The following GALNS variants were observed in gnomAD, a reference collection of about 807,000 sequenced individuals.
GALNS encodes galactosamine (N-acetyl)-6-sulfatase.
A neutral mutation model predicts 65.9 loss-of-function variants in GALNS; 65 were observed. The observed-to-expected ratio is 0.99, with a 90% CI of 0.81 to 1.21. GALNS has a LOEUF of 1.21. GALNS is among the 50% of genes most tolerant of loss of function. GALNS has a pLI of 0.00. For missense variants in GALNS, 776 were observed against 700.7 expected, an observed-to-expected ratio of 1.11 and a Z score of -1.21; for synonymous variants, 346 against 288.9, an observed-to-expected ratio of 1.20 and a Z score of -2.00.
intron 9 of GALNS, among the ~76,000 whole-genome samples, chr16:88,831,319 G>C (rs1314514494): frequency 0.012 from 203 of 16,354 alleles, no homozygotes; most frequent in Non-Finnish European, 0.015. Flanking sequence ...GTGGGGAGGA[G>C]AGCGGTGAGG....
chr16:88,837,507 G>A, intron 5 of GALNS, 115 bp downstream of exon 5: 1 of 1,109,852 alleles, frequency 9.0e-7, no homozygotes, highest in Non-Finnish European at 1.3e-6. Context: ...GGGACCCAGG[G>A]ACAGACCAGC....
intron 12 of GALNS, among the ~76,000 whole-genome samples, chr16:88,822,161 C>T (rs766353483): frequency 3.3e-5 from 5 of 152,100 alleles, no homozygotes; most frequent in African/African-American, 4.8e-5. Flanking sequence ...GCGCAGACTC[C>T]GGCATCCTCG....
Position 88,846,463 on chromosome 16 carries a change from G to C in GALNS, c.121-3634C>G, listed in dbSNP as rs143130169. ...GGGAGCGAGGTCCTGCCCACACCTT[G>C]AGCTCAGACTTCCGGCCTCCAGACC... On this transcript the variant is annotated intron_variant, in intron 1 of 13. Coordinates refer to ENST00000268695, the MANE Select transcript of GALNS (RefSeq NM_000512.5). Among the ~76,000 whole-genome samples, 15 of 149,694 alleles carry C rather than the reference G, an allele frequency of 1.0e-4. No homozygotes were observed. The South Asian group carries it at 3.0e-3, about 30-fold the overall frequency.
intron 1 of GALNS, chr16:88,855,991 C>A (rs1440728808): frequency 1.7e-6 from 1 of 594,746 alleles, no homozygotes. Flanking sequence ...ATGGAAGTGA[C>A]CCCCAAGCTT....
intron 1 of GALNS, among the ~76,000 whole-genome samples, chr16:88,847,701 A>C (rs1967314697): frequency 6.6e-6 from 1 of 152,236 alleles, no homozygotes; most frequent in Non-Finnish European, 1.5e-5. Context: ...GTTGATTTTT[A>C]CCAAACAAAA....
chr16:88,834,576 C>T (rs1367697258), intron 8 of GALNS, among the ~76,000 whole-genome samples: 16 of 98,318 alleles, frequency 1.6e-4, no homozygotes, highest in Admixed American at 3.4e-4. Flanking sequence ...CCCCCCTCAG[C>T]GTGGTCTGGG....
chr16:88,842,142 G>A (rs1166951082), intron 2 of GALNS, 171 bp from the exon 3 acceptor site: 8 of 708,550 alleles, frequency 1.1e-5, no homozygotes. Context: ...CACCTGGGTG[G>A]GGCACGGCAC....
intron 1 of GALNS, among the ~76,000 whole-genome samples, chr16:88,847,617 C>CGGAG (rs1567542275): frequency 6.6e-6 from 1 of 152,172 alleles, no homozygotes; most frequent in African/African-American, 2.4e-5. Context: ...CTCCAAGAGC[C>CGGAG]GGAGAGAGGC....
chr16:88,816,018 G>GC (rs1909585281), intron 13 of GALNS: 1 of 985,288 alleles, frequency 1.0e-6, no homozygotes, highest in African/African-American at 1.7e-5. Flanking sequence ...GGTAAGGAGG[G>GC]CCCCCAGGCT....
At chr16:88,856,609 C>T in intron 1 of GALNS, 149 bp downstream of exon 1, 1 of 561,260 alleles carries the variant, frequency 1.8e-6, no homozygotes, top group Non-Finnish European at 3.3e-6. Context: ...CTCCTCCTCC[C>T]CGCGCGGGGC....
rs563348818 is a variant in GALNS at position 88,840,775 on chromosome 16, G to A, written c.422+217C>T. On this transcript the variant is annotated intron_variant, in intron 4 of 13. Coordinates refer to ENST00000268695, the MANE Select transcript of GALNS (RefSeq NM_000512.5). ...CGGAGTCTGATGCCGCAGGATACTC[G>A]CGGCCGTGGGACCAGCCTGGTGACC... The A allele has an allele frequency of 1.5e-4, 90 of 591,788 alleles. 1 individual carries two copies. Among genetic ancestry groups the A allele is most frequent in the African/African-American group, 5.7e-4 (31 of 54,006 alleles). The allele number at this position is 591,788 out of a possible 1,614,324, so 36.7% of individuals were successfully genotyped here.
At position 88,823,855 on chromosome 16, in the gene GALNS, G is replaced by A. The variant is rs1338504271; in HGVS notation, c.1242+912C>T. 3.6e-4 allele frequency among the ~76,000 whole-genome samples: 55 copies of A among 151,906 alleles called. 1 individual carries two copies. Among genetic ancestry groups the A allele is most frequent in the Admixed American group, 3.6e-3 (55 of 15,252 alleles). ...CCGATGCCCAGGACGGCCCTCACAG[G>A]CGGCAATGCCGGGGACCGATGCCCA... is the stretch of plus-strand genomic sequence containing the variant. On this transcript the variant is annotated intron_variant, in intron 11 of 13. Transcript: ENST00000268695.
In GALNS at chr16:88,820,408, C is replaced by A. The variant is rs569634248; in HGVS notation, c.1364+2181G>T. On this transcript the variant is annotated intron_variant, in intron 12 of 13. Transcript: ENST00000268695. ...CCTCCCAAAGTGCTGGGATTACAGG[C>A]ATGAACCATGGCGACCGGCCACCCG... Among the ~76,000 whole-genome samples the A allele has an allele frequency of 3.0e-4, 46 of 152,338 alleles. 1 individual carries two copies. The highest frequency in any genetic ancestry group is 1.1e-3 in the African/African-American group (44 of 41,578).
chr16:88,844,078 G>C (rs1331389662), intron 1 of GALNS: 1 of 152,070 alleles, frequency 6.6e-6, no homozygotes, highest in African/African-American at 2.4e-5. Flanking sequence ...GAGGCACCAC[G>C]CTGTGAATGG....
At chr16:88,830,145 C>CG (rs1051561646) in intron 9 of GALNS, among the ~76,000 whole-genome samples, 3 of 148,544 alleles carry the variant, frequency 2.0e-5, no homozygotes, top group Non-Finnish European at 4.4e-5. Context: ...GCAGGAGAAT[C>CG]GCTTGAATCT....
Position 88,823,910 on chromosome 16 carries a change from T to A in GALNS, c.1242+857A>T, listed in dbSNP as rs551926753. 3.3e-5 allele frequency among the ~76,000 whole-genome samples: 5 copies of A among 151,874 alleles called. No individual in the cohort carries two copies. The South Asian group carries it at 1.0e-3, about 32-fold the overall frequency. ...GGCCCTTGCAGGTGACAGTGCTGGG[T>A]AAAACCCGAAAGAAGAGCGGGTGCG... is the stretch of plus-strand genomic sequence containing the variant. On this transcript the variant is annotated intron_variant, in intron 11 of 13. Coordinates refer to ENST00000268695, the MANE Select transcript of GALNS (RefSeq NM_000512.5).
chr16:88,833,174 GC>G (rs1482581003), intron 8 of GALNS, among the ~76,000 whole-genome samples: 1 of 151,890 alleles, frequency 6.6e-6, no homozygotes, highest in African/African-American at 2.4e-5. Flanking sequence ...TTCCTGCGCT[GC>G]CATCCAACCC....
At chr16:88,840,839 G>A in intron 4 of GALNS, 153 bp downstream of exon 4, 1 of 703,712 alleles carries the variant, frequency 1.4e-6, no homozygotes, top group Non-Finnish European at 2.6e-6. Context: ...CCTGCACAGG[G>A]ACGCTGGAGA....
intron 2 of GALNS, chr16:88,842,499 T>C: frequency 1.6e-6 from 1 of 644,036 alleles, no homozygotes; most frequent in Non-Finnish European, 2.6e-6. Flanking sequence ...ACTTCGACCC[T>C]GAAAACCCAG....
Sources: allele counts gnomAD v4.1 joint callset (sites outside exome capture counted in the v4.1 genomes callset), GRCh38; gene constraint gnomAD v4.1.1; transcripts MANE v1.5; gene names NCBI Gene and HGNC (gene_info 2026-07-23, HGNC 2026-07-21).